Variants in SYTL5 observed in about 807,000 individuals in gnomAD.
SYTL5 encodes synaptotagmin-like protein 5.
In SYTL5, 34 loss-of-function variants were observed where a neutral mutation model predicts 55.9. The ratio of observed to expected loss-of-function variants is 0.61; its 90% CI spans 0.46 to 0.81. SYTL5 has a LOEUF of 0.81. Ranked by LOEUF, SYTL5 falls within the 30% of genes least tolerant of loss-of-function variation. The probability of loss-of-function intolerance (pLI) is 0.00; values close to 1 mark genes in which losing one functional copy is unlikely to be tolerated. For missense variants in SYTL5, 637 were observed against 546.7 expected (o/e 1.17, Z -1.65); for synonymous variants, 221 against 188.7 (o/e 1.17, Z -1.40).
At chrX:38,043,657 GTATGTATATATA>G (rs1454191191) in intron 2 of SYTL5, among the ~76,000 whole-genome samples, 15 of 39,370 alleles carry the variant, frequency 3.8e-4, no homozygotes, top group Middle Eastern at 0.02. Context: ...ATGTATGTAT[GTATGTATATATA>G]TATATATATA....
intron 3 of SYTL5, among the ~76,000 whole-genome samples, chrX:38,069,037 A>G (rs1372876759): frequency 8.9e-6 from 1 of 111,797 alleles, no homozygotes; most frequent in East Asian, 2.8e-4. Context: ...TAAAAATGTA[A>G]CAATCATTTC....
intron 7 of SYTL5, among the ~76,000 whole-genome samples, chrX:38,092,573 G>T: frequency 9.0e-6 from 1 of 111,238 alleles, no homozygotes; most frequent in South Asian, 3.9e-4. Context: ...CAAACAAGCC[G>T]CTTTTCCCTG....
Position 38,099,659 on chromosome X carries a change from A to G in SYTL5, c.1063-2683A>G, listed in dbSNP as rs190432437. On this transcript the variant is annotated intron_variant, in intron 9 of 16. Transcript: ENST00000297875. ...GAGTGGGCATACTGTATTGTTTCTG[A>G]TCTTAGAGGAAATGGTTTTAGCTTT... Among the ~76,000 whole-genome samples, 13 of 111,029 alleles carry G rather than the reference A, an allele frequency of 1.2e-4. No individual in the cohort carries two copies. The East Asian group carries it at 3.4e-3, about 29-fold the overall frequency.
intron 1 of SYTL5, among the ~76,000 whole-genome samples, chrX:38,014,706 T>C (rs1022608308): frequency 4.5e-5 from 5 of 111,917 alleles, no homozygotes; most frequent in Non-Finnish European, 9.4e-5. Flanking sequence ...CACAGGTAGA[T>C]AGGAGACAAA....
chrX:37,892,198 A>T, the SYTL5 span, among the ~76,000 whole-genome samples: 1 of 110,594 alleles, frequency 9.0e-6, no homozygotes, highest in African/African-American at 3.3e-5. Context: ...TAAGTAGAGC[A>T]GTAAATAATA....
At chrX:37,951,255 C>T in the SYTL5 span, among the ~76,000 whole-genome samples, 6 of 111,064 alleles carry the variant, frequency 5.4e-5, no homozygotes, top group Admixed American at 9.7e-5. Flanking sequence ...AAAAGATCCT[C>T]GGTAAATAAG....
chrX:37,954,967 C>T, the SYTL5 span, among the ~76,000 whole-genome samples: 1 of 109,894 alleles, frequency 9.1e-6, no homozygotes, highest in Non-Finnish European at 1.9e-5. Context: ...TTAATGATAC[C>T]AAAATTCTTA....
intron 6 of SYTL5, among the ~76,000 whole-genome samples, chrX:38,084,734 G>A (rs1431376979): frequency 1.8e-5 from 2 of 110,924 alleles, no homozygotes; most frequent in Admixed American, 1.9e-4. Flanking sequence ...TTTCTGTAAA[G>A]GTACAGATAA....
At chrX:38,092,476 G>T (rs761257846) in intron 7 of SYTL5, among the ~76,000 whole-genome samples, 18 of 111,670 alleles carry the variant, frequency 1.6e-4, no homozygotes, top group Non-Finnish European at 3.2e-4. Flanking sequence ...AAAGGCTGAA[G>T]AACCCGGAGT....
At chrX:37,955,817 A>G in the SYTL5 span, among the ~76,000 whole-genome samples, 3 of 111,687 alleles carry the variant, frequency 2.7e-5, no homozygotes, top group African/African-American at 9.8e-5. Flanking sequence ...CTGAGTCCCA[A>G]GCTTCCAACC....
the SYTL5 span, among the ~76,000 whole-genome samples, chrX:37,997,809 A>C: frequency 1.9e-4 from 21 of 112,492 alleles, no homozygotes; most frequent in African/African-American, 6.4e-4. Flanking sequence ...CTGCAGTCCT[A>C]CAGACTGGAG....
chrX:37,901,273 C>T, the SYTL5 span, among the ~76,000 whole-genome samples: 20 of 111,622 alleles, frequency 1.8e-4, no homozygotes, highest in East Asian at 3.7e-3. Context: ...TCAGGTGATC[C>T]GGGCATCCCA....
the SYTL5 span, among the ~76,000 whole-genome samples, chrX:37,978,069 T>C: frequency 9.0e-6 from 1 of 111,298 alleles, no homozygotes; most frequent in Non-Finnish European, 1.9e-5. Flanking sequence ...TTTTTGAAAA[T>C]TCAAATCAAA....
In SYTL5 at chrX:38,125,446, G is replaced by A; in HGVS notation, c.1990G>A (p.Asp664Asn). ...TGTTTGCCTAGAACTTACTATCTGG[G>A]ACAAGGAGGCCTTTTCCAGCAACAT... is the stretch of plus-strand genomic sequence containing the variant. Reference protein sequence around the residue: ...KNVCLELTIWDKEAFSSNIFL... With the variant: ...KNVCLELTIWNKEAFSSNIFL... Residue 664 changes from aspartate (D) to asparagine (N), a missense_variant, in exon 16 of 17, where the codon GAC becomes AAC. By Grantham distance (23) the Asp-to-Asn change is conservative. Coordinates refer to ENST00000297875, the MANE Select transcript of SYTL5 (RefSeq NM_138780.3). The A allele has an allele frequency of 8.3e-7, 1 of 1,211,483 alleles. No homozygotes were observed. Among genetic ancestry groups the A allele is most frequent in the Non-Finnish European group, 1.1e-6 (1 of 895,280 alleles).
the SYTL5 span, among the ~76,000 whole-genome samples, chrX:37,950,573 G>A: frequency 2.7e-5 from 3 of 110,880 alleles, no homozygotes; most frequent in South Asian, 3.8e-4. Flanking sequence ...GTTTATAACC[G>A]AGAAGTATGC....
chrX:38,072,810 C>T (rs1210677853), intron 4 of SYTL5, among the ~76,000 whole-genome samples: 2 of 112,155 alleles, frequency 1.8e-5, no homozygotes, highest in Non-Finnish European at 3.8e-5. Flanking sequence ...ATTCAAATTA[C>T]AATTTAGTTA....
chrX:37,985,082 C>T, the SYTL5 span, among the ~76,000 whole-genome samples: 1 of 112,057 alleles, frequency 8.9e-6, no homozygotes, highest in Non-Finnish European at 1.9e-5. Context: ...AGGATGTCTG[C>T]TCTAACCACT....
At chrX:37,989,619 T>C in the SYTL5 span, among the ~76,000 whole-genome samples, 3 of 111,867 alleles carry the variant, frequency 2.7e-5, no homozygotes, top group African/African-American at 9.8e-5. Context: ...AATGCTTGGA[T>C]TTGAGACTCC....
the SYTL5 span, among the ~76,000 whole-genome samples, chrX:37,971,683 T>A: frequency 8.9e-6 from 1 of 111,859 alleles, no homozygotes; most frequent in Non-Finnish European, 1.9e-5. Flanking sequence ...CTCTTTTTCC[T>A]TAATGTAAAT....
Sources: gnomAD v4.1 joint callset for allele counts (sites outside exome capture counted in the v4.1 genomes callset) on GRCh38, gnomAD v4.1.1 for gene constraint, MANE v1.5 for transcripts, NCBI Gene and HGNC (gene_info 2026-07-23, HGNC 2026-07-21) for gene names.